The following HTR2A variants were observed in gnomAD, a reference collection of about 807,000 sequenced individuals.
The protein encoded by HTR2A is 5-HT2 receptor.
In HTR2A, 14 loss-of-function variants were observed where a neutral mutation model predicts 31.0. The observed-to-expected ratio is 0.45, with a 90% confidence interval of 0.30 to 0.71. HTR2A has a LOEUF of 0.71. Among genes scored for constraint, HTR2A ranks in the 30% least tolerant of loss-of-function variants. HTR2A has a pLI of 0.09. For missense variants in HTR2A, 442 were observed against 573.3 expected, an observed-to-expected ratio of 0.77 and a Z score of 2.34; for synonymous variants, 209 against 225.2, an observed-to-expected ratio of 0.93 and a Z score of 0.64.
Position 46,895,995 on chromosome 13 carries a change from CTG to C in HTR2A, c.-91_-90del. The stretch of plus-strand genomic sequence containing the variant: ...CCATTCACCTTGATGTACCCACACT[CTG>C]TAACACTGAGGCTGGTGTACATGCT... On this transcript the variant is annotated 5_prime_UTR_variant, in exon 2 of 4. It introduces an in-frame stop codon into an upstream open reading frame of the 5' UTR. Transcript: ENST00000542664. The surrounding 1 kb of genome is among the most constrained non-coding windows in gnomAD (Gnocchi z 4.4). The C allele has an allele frequency of 6.6e-7, 1 of 1,504,782 alleles. No individual in the cohort carries two copies. Among genetic ancestry groups the C allele is most frequent in the Non-Finnish European group, 8.8e-7 (1 of 1,134,686 alleles). 93.2% of individuals were successfully genotyped at this position (1,504,782 alleles called of 1,614,324 possible). A position where few individuals can be genotyped will look rare whatever the true frequency, so the allele number is the denominator to read the frequency against.
At chr13:46,846,976 G>T (rs1181366039) in intron 3 of HTR2A, among the ~76,000 whole-genome samples, 1 of 152,248 alleles carries the variant, frequency 6.6e-6, no homozygotes, top group African/African-American at 2.4e-5. Flanking sequence ...AAAAATGGGG[G>T]TGGCTGACTC....
chr13:46,834,600 A>T lies in HTR2A; in HGVS notation c.*237T>A. ...ATCATTTTAAAGACATATCATTTAC[A>T]ATGTTATAAATAAGTATCAGAAAGC... On this transcript the variant is annotated 3_prime_UTR_variant, in exon 4 of 4. Coordinates refer to ENST00000542664, the MANE Select transcript of HTR2A (RefSeq NM_000621.5). 1 of 480,002 alleles carries T rather than the reference A, an allele frequency of 2.1e-6. No homozygotes were observed. The highest frequency in any genetic ancestry group is 3.7e-6 in the Non-Finnish European group (1 of 273,036). The allele number at this position is 480,002 out of a possible 1,614,324, so 29.7% of individuals were successfully genotyped here. A position where few individuals can be genotyped will look rare whatever the true frequency, so the allele number is the denominator to read the frequency against.
intron 3 of HTR2A, among the ~76,000 whole-genome samples, chr13:46,891,770 G>C (rs1288112843): frequency 6.6e-6 from 1 of 152,210 alleles, no homozygotes; most frequent in Admixed American, 6.5e-5. Context: ...TGACTATTAG[G>C]TGTGTGACAG....
chr13:46,881,229 G>A lies in HTR2A; in HGVS notation c.613+11161C>T, dbSNP rs369727878. Among the ~76,000 whole-genome samples the A allele has an allele frequency of 3.5e-4, 53 of 152,314 alleles. No homozygotes were observed. The South Asian group carries it at 9.1e-3, about 26-fold the overall frequency. Reference sequence around the variant, plus strand: ...TGGGCAGAGGAGGGGAAGGGTCACTGCACTCAGGGACAAGAGAAGGGGTGG... The same window carrying A: ...TGGGCAGAGGAGGGGAAGGGTCACTACACTCAGGGACAAGAGAAGGGGTGG... On this transcript the variant is annotated intron_variant, in intron 3 of 3. Transcript: ENST00000542664.
intron 3 of HTR2A, among the ~76,000 whole-genome samples, chr13:46,880,340 T>C (rs1002339388): frequency 2.6e-5 from 4 of 152,116 alleles, no homozygotes; most frequent in Non-Finnish European, 5.9e-5. Flanking sequence ...AGTGGAAGCC[T>C]CAAGAGCATA....
chr13:46,876,631 T>C (rs1240258712), intron 3 of HTR2A, among the ~76,000 whole-genome samples: 2 of 151,960 alleles, frequency 1.3e-5, no homozygotes, highest in Non-Finnish European at 2.9e-5. Flanking sequence ...TTAGCCAGGA[T>C]GGTCTCGATC....
chr13:46,868,663 T>C (rs1162567617), intron 3 of HTR2A, among the ~76,000 whole-genome samples: 1 of 152,202 alleles, frequency 6.6e-6, no homozygotes, highest in East Asian at 1.9e-4. Flanking sequence ...TTATCCTGTA[T>C]GCAGCATTTC....
At chr13:46,860,608 CTCCA>C (rs1427419313) in intron 3 of HTR2A, among the ~76,000 whole-genome samples, 6 of 152,178 alleles carry the variant, frequency 3.9e-5, no homozygotes, top group African/African-American at 1.4e-4. Flanking sequence ...CTGGGTGAGA[CTCCA>C]TCCAGAAGCT....
rs397947348 is a variant in HTR2A, at chr13:46,834,778, T to TC, written c.*58dup. 16 of 1,394,536 alleles carry TC rather than the reference T, an allele frequency of 1.1e-5. No individual in the cohort carries two copies. The highest frequency in any genetic ancestry group is 2.9e-5 in the African/African-American group (2 of 69,170). The allele number at this position is 1,394,536 out of a possible 1,614,324, so 86.4% of individuals were successfully genotyped here. On this transcript the variant is annotated 3_prime_UTR_variant, in exon 4 of 4. Coordinates refer to ENST00000542664, the MANE Select transcript of HTR2A (RefSeq NM_000621.5). ...TTTTCCAATCTCATATTTTTTTTTT[T>TC]CCAGATAGGTGAAAACTTGCTCAGT...
intron 3 of HTR2A, chr13:46,852,181 G>A (rs191201285): frequency 4.6e-5 from 7 of 152,358 alleles, no homozygotes; most frequent in Admixed American, 1.3e-4. Flanking sequence ...TGACACCTTG[G>A]TTTTGGCCTG....
chr13:46,895,308 A>AAATC lies in HTR2A; in HGVS notation c.412+186_412+187insGATT. On this transcript the variant is annotated intron_variant, in intron 2 of 3. Coordinates refer to ENST00000542664, the MANE Select transcript of HTR2A (RefSeq NM_000621.5). This position sits in a 1 kb window ranked among gnomAD's most constrained non-coding sequence, Gnocchi z 4.4. ...ACTCTCCAGTGATCACAGGTCATAG[A>AAATC]CTGTCTGATTTTTATGTGAAATCCC... 1.7e-6 allele frequency: 1 copy of AAATC among 595,200 alleles called. No individual in the cohort carries two copies. The highest frequency in any genetic ancestry group is 2.1e-5 in the South Asian group (1 of 46,814). The allele number at this position is 595,200 out of a possible 1,614,324, so 36.9% of individuals were successfully genotyped here. A position where few individuals can be genotyped will look rare whatever the true frequency, so the allele number is the denominator to read the frequency against.
At chr13:46,872,366 A>G (rs748633005) in intron 3 of HTR2A, among the ~76,000 whole-genome samples, 19 of 152,240 alleles carry the variant, frequency 1.2e-4, no homozygotes, top group Non-Finnish European at 2.1e-4. Flanking sequence ...GGAAGTGCTA[A>G]TATTAACAAG....
chr13:46,847,982 C>T (rs1004433423), intron 3 of HTR2A, among the ~76,000 whole-genome samples: 2 of 152,182 alleles, frequency 1.3e-5, no homozygotes, highest in African/African-American at 4.8e-5. Context: ...ATTCTAGAAG[C>T]TTCTTCACAG....
At position 46,858,520 on chromosome 13, in the gene HTR2A, G is replaced by C. The variant is rs570132575; in HGVS notation, c.614-22881C>G. Among the ~76,000 whole-genome samples, 10 of 152,278 alleles carry C rather than the reference G, an allele frequency of 6.6e-5. No homozygotes were observed. In the South Asian group the frequency reaches 2.1e-3, roughly 32 times the overall value. ...TGTTTTATGCCTAAGGAATGAGATA[G>C]AGCTAATATAATATTTTAGACAGGC... On this transcript the variant is annotated intron_variant, in intron 3 of 3. Coordinates refer to ENST00000542664, the MANE Select transcript of HTR2A (RefSeq NM_000621.5).
chr13:46,864,305 C>T (rs900137273), intron 3 of HTR2A, among the ~76,000 whole-genome samples: 4 of 152,122 alleles, frequency 2.6e-5, no homozygotes, highest in African/African-American at 9.7e-5. Context: ...GGGTACTATG[C>T]TTAATACCTG....
chr13:46,892,492 G>A lies in HTR2A; in HGVS notation c.511C>T (p.Leu171=). 1 of 1,614,230 alleles carries A rather than the reference G, an allele frequency of 6.2e-7. No homozygotes were observed. Among genetic ancestry groups the A allele is most frequent in the East Asian group, 2.2e-5 (1 of 44,886 alleles). ...TTCTGGATGGCGACGTAGCGGTCCAGCGAGATGGCGCAGAGGTGCATGATG... is the reference window on the plus strand; with the variant it reads ...TTCTGGATGGCGACGTAGCGGTCCAACGAGATGGCGCAGAGGTGCATGATG... The part of the protein sequence containing the change: ...ASIMHLCAIS[L]DRYVAIQNPI... The change falls in exon 3 of 4, where the codon CTG becomes TTG. Residue 171 remains leucine, a synonymous_variant. Coordinates refer to ENST00000542664, the MANE Select transcript of HTR2A (RefSeq NM_000621.5).
Position 46,835,254 on chromosome 13 carries a change from C to T in HTR2A, c.999G>A (p.Val333=). ...KVLGIVFFLF[V]VMWCPFFITN... is the part of the protein sequence containing the mutation. ...TGATGAAGAAAGGGCACCACATCAC[C>T]ACAAACAGGAAGAAGACGATGCCCA... is the stretch of plus-strand genomic sequence containing the variant. Residue 333 remains valine, a synonymous_variant, in exon 4 of 4, where the codon GTG becomes GTA. Coordinates refer to ENST00000542664, the MANE Select transcript of HTR2A (RefSeq NM_000621.5). The T allele has an allele frequency of 6.2e-7, 1 of 1,614,110 alleles. No homozygotes were observed. The highest frequency in any genetic ancestry group is 8.5e-7 in the Non-Finnish European group (1 of 1,179,994).
chr13:46,894,496 T>C (rs1238128687), intron 2 of HTR2A, among the ~76,000 whole-genome samples: 1 of 152,230 alleles, frequency 6.6e-6, no homozygotes, highest in Admixed American at 6.5e-5. Flanking sequence ...TTGTGCAAAC[T>C]GGCGCCTGCT....
At chr13:46,860,171 G>A (rs1440992961) in intron 3 of HTR2A, among the ~76,000 whole-genome samples, 1 of 152,168 alleles carries the variant, frequency 6.6e-6, no homozygotes, top group African/African-American at 2.4e-5. Flanking sequence ...CTGGTGCTGA[G>A]GACTGTGTGT....
Sources: gnomAD v4.1 joint callset for allele counts (sites outside exome capture counted in the v4.1 genomes callset) on GRCh38, gnomAD v4.1.1 for gene constraint, Gnocchi (gnomAD v3.1) non-coding constraint, MANE v1.5 for transcripts, NCBI Gene and HGNC (gene_info 2026-07-23, HGNC 2026-07-21) for gene names.